Variants in KIF13A observed in about 807,000 individuals in gnomAD.
The protein encoded by KIF13A is kinesin family member 13A.
In KIF13A, 79 loss-of-function variants were observed where a neutral mutation model predicts 212.2. That is an observed-to-expected ratio of 0.37 (90% confidence interval 0.31 to 0.45). The LOEUF is 0.45. Ranked by LOEUF, KIF13A falls within the 20% of genes least tolerant of loss-of-function variation. The pLI is 1.00. For synonymous variants in KIF13A, 789 were observed against 808.6 expected (o/e 0.98, Z 0.41); for missense variants, 1,901 against 2,209.0 (o/e 0.86, Z 2.79).
At chr6:17,985,068 G>T (rs1316458112) in intron 2 of KIF13A, among the ~76,000 whole-genome samples, 1 of 152,206 alleles carries the variant, frequency 6.6e-6, no homozygotes, top group African/African-American at 2.4e-5. Flanking sequence ...TAATCCTAAT[G>T]TACAAGGAGC....
chr6:17,873,443 T>C lies in KIF13A; in HGVS notation c.160-6A>G, dbSNP rs1375460409. The C allele has an allele frequency of 3.2e-6, 5 of 1,559,494 alleles. No individual in the cohort carries two copies. In the African/African-American group the frequency reaches 4.1e-5, roughly 13 times the overall value. Reference sequence around the variant, plus strand: ...CAATAATCAAAGGCAAATACCTGAATGAAAGAACAAAATATTAAACTTAAA... The same window carrying C: ...CAATAATCAAAGGCAAATACCTGAACGAAAGAACAAAATATTAAACTTAAA... On this transcript the variant is annotated splice_polypyrimidine_tract_variant and splice_region_variant and intron_variant, in intron 3 of 38. Coordinates refer to ENST00000259711, the MANE Select transcript of KIF13A (RefSeq NM_022113.6).
rs1350117341 is a variant in KIF13A at position 17,961,895 on chromosome 6, T to C, written c.146+25159A>G. Among the ~76,000 whole-genome samples the C allele has an allele frequency of 6.6e-6, 1 of 152,218 alleles. No individual in the cohort carries two copies. The highest frequency in any genetic ancestry group is 1.5e-5 in the Non-Finnish European group (1 of 68,046). ...GTGTTTGGTTGGCAACATTGTCTAT[T>C]TTCCACATCTTAAAATTTCAGAATT... On this transcript the variant is annotated intron_variant, in intron 2 of 38. Coordinates refer to ENST00000259711, the MANE Select transcript of KIF13A (RefSeq NM_022113.6). The surrounding 1 kb of genome is among the most constrained non-coding windows in gnomAD (Gnocchi z 4.1).
intron 2 of KIF13A, among the ~76,000 whole-genome samples, chr6:17,908,110 G>C (rs1773691483): frequency 6.6e-6 from 1 of 152,242 alleles, no homozygotes; most frequent in African/African-American, 2.4e-5. Flanking sequence ...GGAAAAATCT[G>C]TAAGACTTGT....
At chr6:17,922,816 G>A (rs1182704645) in intron 2 of KIF13A, among the ~76,000 whole-genome samples, 1 of 151,460 alleles carries the variant, frequency 6.6e-6, no homozygotes, top group Non-Finnish European at 1.5e-5. Context: ...TAGAGATGGG[G>A]TCTCACTACA....
intron 17 of KIF13A, among the ~76,000 whole-genome samples, chr6:17,810,437 C>G (rs1454999575): frequency 6.6e-6 from 1 of 152,172 alleles, no homozygotes; most frequent in Admixed American, 6.5e-5. Context: ...CTTAATTTTC[C>G]CTACTCTTCC....
intron 2 of KIF13A, among the ~76,000 whole-genome samples, chr6:17,957,202 T>C (rs1485317852): frequency 6.6e-6 from 1 of 152,142 alleles, no homozygotes; most frequent in Non-Finnish European, 1.5e-5. Context: ...ATGCCATCCA[T>C]ATTCAATCAT....
intron 2 of KIF13A, among the ~76,000 whole-genome samples, chr6:17,920,450 G>A (rs539177256): frequency 2.6e-5 from 4 of 152,140 alleles, no homozygotes; most frequent in Non-Finnish European, 4.4e-5. Context: ...GAAAATTTTG[G>A]TCTGGGCCTT....
chr6:17,804,811 T>TAAAAAAAAAAAAAAA (rs56785510), intron 19 of KIF13A, among the ~76,000 whole-genome samples: 9 of 23,302 alleles, frequency 3.9e-4, no homozygotes, highest in African/African-American at 1.0e-3. Flanking sequence ...CTGTCTCCAT[T>TAAAAAAAAAAAAAAA]AAAAAAAAAA....
chr6:17,976,029 C>T (rs979520896), intron 2 of KIF13A, among the ~76,000 whole-genome samples: 10 of 152,194 alleles, frequency 6.6e-5, no homozygotes, highest in Non-Finnish European at 1.2e-4. Context: ...GTTTACAAAC[C>T]TTGAGCTAGA....
chr6:17,902,049 T>C (rs780708668), intron 2 of KIF13A, among the ~76,000 whole-genome samples: 1 of 152,208 alleles, frequency 6.6e-6, no homozygotes, highest in Non-Finnish European at 1.5e-5. Context: ...CCATGACTCT[T>C]AGTCAAGTAC....
rs1766707236 is a variant in KIF13A, at chr6:17,843,357, A to G, written c.831-5774T>C. Among the ~76,000 whole-genome samples the G allele has an allele frequency of 6.6e-6, 1 of 152,232 alleles. No homozygotes were observed. Among genetic ancestry groups the G allele is most frequent in the Non-Finnish European group, 1.5e-5 (1 of 68,042 alleles). On this transcript the variant is annotated intron_variant, in intron 9 of 38. Transcript: ENST00000259711. The surrounding 1 kb of genome is among the most constrained non-coding windows in gnomAD (Gnocchi z 5.3). ...TGCTGGGCTAAAAACTCTATTTTCC[A>G]AAGTCCTCTCTGCAGCTTCGGGTAG...
rs1276268689 is a variant in KIF13A, at chr6:17,769,342, C to A, written c.4581+1772G>T. On this transcript the variant is annotated intron_variant, in intron 38 of 38. Coordinates refer to ENST00000259711, the MANE Select transcript of KIF13A (RefSeq NM_022113.6). This position sits in a 1 kb window ranked among gnomAD's most constrained non-coding sequence, Gnocchi z 5.8. Reference sequence around the variant, plus strand: ...TGCAGAGTGCTCAGCAAGCCAGTTTCCTATGGAGAGTAGAGACAGCTTTTT... The same window carrying A: ...TGCAGAGTGCTCAGCAAGCCAGTTTACTATGGAGAGTAGAGACAGCTTTTT... Among the ~76,000 whole-genome samples, 5 of 152,108 alleles carry A rather than the reference C, an allele frequency of 3.3e-5. No individual in the cohort carries two copies. The highest frequency in any genetic ancestry group is 1.2e-4 in the African/African-American group (5 of 41,410).
downstream of KIF13A, chr6:17,760,555 C>G: frequency 4.1e-6 from 2 of 486,564 alleles, no homozygotes; most frequent in East Asian, 3.4e-5. Flanking sequence ...GGTTTCTATA[C>G]AGTGGAGGTG....
Position 17,783,555 on chromosome 6 carries a change from AGT to A in KIF13A, c.3544+89_3544+90del. ...AATTTGGCACATGAATGATTAGAAG[AGT>A]GATTTAAGGATCAAAATAATGTGAA... On this transcript the variant is annotated intron_variant, in intron 29 of 38. Transcript: ENST00000259711. This position sits in a 1 kb window ranked among gnomAD's most constrained non-coding sequence, Gnocchi z 4.3. 1 of 876,488 alleles carries A rather than the reference AGT, an allele frequency of 1.1e-6. No individual in the cohort carries two copies. The highest frequency in any genetic ancestry group is 1.9e-6 in the Non-Finnish European group (1 of 540,458). 54.3% of individuals were successfully genotyped at this position (876,488 alleles called of 1,614,324 possible). A position where few individuals can be genotyped will look rare whatever the true frequency, so the allele number is the denominator to read the frequency against.
chr6:17,977,051 G>A (rs953363095), intron 2 of KIF13A, among the ~76,000 whole-genome samples: 7 of 149,456 alleles, frequency 4.7e-5, no homozygotes, highest in Admixed American at 6.7e-5. Context: ...GCAGTGAGCC[G>A]AGACTGCGCC....
chr6:17,925,950 A>G (rs1775462848), intron 2 of KIF13A, among the ~76,000 whole-genome samples: 1 of 152,224 alleles, frequency 6.6e-6, no homozygotes. Flanking sequence ...CAATTACTAA[A>G]TATGTCAGTT....
intron 28 of KIF13A, among the ~76,000 whole-genome samples, chr6:17,784,896 T>C (rs916857249): frequency 2.0e-5 from 3 of 152,182 alleles, no homozygotes; most frequent in Non-Finnish European, 4.4e-5. Context: ...CCTTTATCAT[T>C]AGAGATGCAG....
chr6:17,909,642 C>G (rs1773856229), intron 2 of KIF13A, among the ~76,000 whole-genome samples: 1 of 151,842 alleles, frequency 6.6e-6, no homozygotes, highest in Admixed American at 6.6e-5. Context: ...TGCCTGTAAT[C>G]CCGGCACGTT....
chr6:17,838,816 T>C lies in KIF13A; in HGVS notation c.831-1233A>G, dbSNP rs994924241. On this transcript the variant is annotated intron_variant, in intron 9 of 38. Coordinates refer to ENST00000259711, the MANE Select transcript of KIF13A (RefSeq NM_022113.6). This position sits in a 1 kb window ranked among gnomAD's most constrained non-coding sequence, Gnocchi z 4.2. ...GGGAGAGGATGACGAGCTTATTTTT[T>C]TGTTTGTTTGTTTTTTGAGATGGAA... Among the ~76,000 whole-genome samples, 1 of 151,938 alleles carries C rather than the reference T, an allele frequency of 6.6e-6. No homozygotes were observed. The highest frequency in any genetic ancestry group is 2.4e-5 in the African/African-American group (1 of 41,368).
Sources: gnomAD v4.1 joint callset for allele counts (sites outside exome capture counted in the v4.1 genomes callset) on GRCh38, gnomAD v4.1.1 for gene constraint, Gnocchi (gnomAD v3.1) non-coding constraint, MANE v1.5 for transcripts, NCBI Gene and HGNC (gene_info 2026-07-23, HGNC 2026-07-21) for gene names.